CDH12: variants seen among roughly 807,000 people sequenced by gnomAD.
The protein encoded by CDH12 is cadherin 12.
CDH12 carries 41 observed loss-of-function variants against 74.1 expected under a neutral mutation model. That is an observed-to-expected ratio of 0.55 (90% CI 0.43 to 0.72). The LOEUF (loss-of-function observed/expected upper bound fraction) is 0.72. Ranked by LOEUF, CDH12 falls within the 30% of genes least tolerant of loss-of-function variation. The pLI is 0.00. For synonymous variants in CDH12, 399 were observed against 355.0 expected (o/e 1.12, Z -1.39); for missense variants, 945 against 977.2 (o/e 0.97, Z 0.44).
intron 1 of CDH12, among the ~76,000 whole-genome samples, chr5:22,681,976 T>C (rs377200234): frequency 1.3e-5 from 2 of 151,520 alleles, no homozygotes; most frequent in African/African-American, 4.9e-5. Flanking sequence ...GAAAAAAAAA[T>C]CTCTAAGCAT....
intron 1 of CDH12, among the ~76,000 whole-genome samples, chr5:22,766,209 A>G (rs1005249048): frequency 2.6e-5 from 4 of 152,206 alleles, no homozygotes; most frequent in East Asian, 1.9e-4. Flanking sequence ...AATAATTTCA[A>G]TATGCATTTA....
chr5:22,132,153 T>C (rs1746210041), intron 4 of CDH12, among the ~76,000 whole-genome samples: 1 of 151,850 alleles, frequency 6.6e-6, no homozygotes, highest in African/African-American at 2.4e-5. Context: ...AACATAGATA[T>C]ATAGATGGAA....
At chr5:21,815,622 GTCTT>G (rs1301222345) in intron 9 of CDH12, among the ~76,000 whole-genome samples, 2 of 152,000 alleles carry the variant, frequency 1.3e-5, no homozygotes, top group African/African-American at 2.4e-5. Context: ...AGCGCAGTCT[GTCTT>G]TCTCTCTCTC....
chr5:22,627,062 C>A (rs1479125579), intron 1 of CDH12, among the ~76,000 whole-genome samples: 1 of 152,104 alleles, frequency 6.6e-6, no homozygotes, highest in Admixed American at 6.6e-5. Flanking sequence ...ACAAGAAAAA[C>A]AAAACCTCTG....
chr5:22,546,840 G>A (rs1181446113), intron 1 of CDH12, among the ~76,000 whole-genome samples: 2 of 152,106 alleles, frequency 1.3e-5, no homozygotes, highest in East Asian at 1.9e-4. Flanking sequence ...AAATCTTAAC[G>A]CCTACATATT....
intron 2 of CDH12, among the ~76,000 whole-genome samples, chr5:22,482,422 A>C (rs1286056712): frequency 1.3e-5 from 2 of 152,174 alleles, no homozygotes; most frequent in Non-Finnish European, 2.9e-5. Flanking sequence ...TAGCCCAAAA[A>C]GTAGTCTTCC....
chr5:22,073,670 T>C (rs1265629837), intron 5 of CDH12, among the ~76,000 whole-genome samples: 1 of 152,158 alleles, frequency 6.6e-6, no homozygotes, highest in Non-Finnish European at 1.5e-5. Context: ...TATACCCTTG[T>C]GATTTATTTG....
intron 1 of CDH12, among the ~76,000 whole-genome samples, chr5:22,592,398 T>A (rs932034295): frequency 6.6e-6 from 1 of 152,138 alleles, no homozygotes; most frequent in African/African-American, 2.4e-5. Flanking sequence ...CAGGGTCAGG[T>A]GAAACTACCC....
At chr5:22,435,496 ATATGTG>A (rs1265618151) in intron 2 of CDH12, among the ~76,000 whole-genome samples, 1 of 66,670 alleles carries the variant, frequency 1.5e-5, no homozygotes, top group Non-Finnish European at 2.9e-5. Flanking sequence ...ATGTGTATAT[ATATGTG>A]TGTGTGTGTG....
chr5:22,626,056 A>T (rs72637726), intron 1 of CDH12, among the ~76,000 whole-genome samples: 2 of 151,648 alleles, frequency 1.3e-5, no homozygotes, highest in East Asian at 3.9e-4. Context: ...CAGCATGCTA[A>T]CCCCATGGAG....
At chr5:22,067,907 G>A (rs984870662) in intron 5 of CDH12, among the ~76,000 whole-genome samples, 1 of 152,068 alleles carries the variant, frequency 6.6e-6, no homozygotes, top group African/African-American at 2.4e-5. Flanking sequence ...GAACCCGGGA[G>A]GCAGAGGTTG....
At chr5:22,684,031 CA>C (rs1741634151) in intron 1 of CDH12, among the ~76,000 whole-genome samples, 1 of 152,204 alleles carries the variant, frequency 6.6e-6, no homozygotes, top group Admixed American at 6.5e-5. Context: ...TTACAGACCT[CA>C]AAGTGCATCT....
At chr5:22,770,000 A>G (rs1300941995) in intron 1 of CDH12, among the ~76,000 whole-genome samples, 2 of 151,938 alleles carry the variant, frequency 1.3e-5, no homozygotes, top group African/African-American at 4.8e-5. Context: ...TTTTTACAAT[A>G]TGGTTCATAT....
At chr5:22,662,754 A>G (rs1224682353) in intron 1 of CDH12, among the ~76,000 whole-genome samples, 1 of 152,180 alleles carries the variant, frequency 6.6e-6, no homozygotes, top group Non-Finnish European at 1.5e-5. Context: ...GGATTTTAAC[A>G]TCGTTTCAGT....
At chr5:22,430,005 A>C (rs1211673687) in intron 2 of CDH12, among the ~76,000 whole-genome samples, 1 of 152,200 alleles carries the variant, frequency 6.6e-6, no homozygotes, top group East Asian at 1.9e-4. Flanking sequence ...ATCCCAGGGT[A>C]ATCTATTGGT....
chr5:21,868,961 G>C (rs965241591), intron 6 of CDH12, among the ~76,000 whole-genome samples: 1 of 152,108 alleles, frequency 6.6e-6, no homozygotes, highest in Non-Finnish European at 1.5e-5. Context: ...ACAAATTTTT[G>C]CTTCTTGTTC....
At chr5:22,077,553 C>A (rs902792172) in intron 5 of CDH12, among the ~76,000 whole-genome samples, 1 of 152,026 alleles carries the variant, frequency 6.6e-6, no homozygotes, top group Non-Finnish European at 1.5e-5. Context: ...ATCAATTTTT[C>A]TTTATCAAAA....
chr5:21,791,915 C>A (rs1293518703), intron 10 of CDH12, among the ~76,000 whole-genome samples: 1 of 151,852 alleles, frequency 6.6e-6, no homozygotes, highest in Non-Finnish European at 1.5e-5. Flanking sequence ...TTTGACCCTG[C>A]CCCAGTTCTC....
intron 5 of CDH12, among the ~76,000 whole-genome samples, chr5:22,026,857 T>C (rs1464713474): frequency 6.6e-6 from 1 of 152,168 alleles, no homozygotes. Flanking sequence ...GGTTAGAACC[T>C]GTACTGGCCT....
Sources: gnomAD v4.1 joint callset for allele counts (sites outside exome capture counted in the v4.1 genomes callset) on GRCh38, gnomAD v4.1.1 for gene constraint, MANE v1.5 for transcripts, NCBI Gene and HGNC (gene_info 2026-07-23, HGNC 2026-07-21) for gene names.